PCDH15: variants seen among roughly 807,000 people sequenced by gnomAD.
PCDH15 encodes the protein protocadherin-15.
PCDH15 carries 129 observed loss-of-function variants against 178.5 expected under a neutral mutation model. The ratio of observed to expected loss-of-function variants is 0.72; its 90% confidence interval spans 0.63 to 0.84. The LOEUF (loss-of-function observed/expected upper bound fraction) is 0.84. PCDH15 is among the 40% of genes least tolerant of loss of function. The probability of loss-of-function intolerance (pLI) is 0.00; values close to 1 mark genes in which losing one functional copy is unlikely to be tolerated. For synonymous variants in PCDH15, 800 were observed against 732.0 expected (o/e 1.09, Z -1.50); for missense variants, 2,230 against 2,099.9 (o/e 1.06, Z -1.21).
At chr10:54,267,964 T>C (rs1304521954) in intron 8 of PCDH15, among the ~76,000 whole-genome samples, 3 of 151,852 alleles carry the variant, frequency 2.0e-5, no homozygotes, top group Non-Finnish European at 4.4e-5. Flanking sequence ...AGAGCCTGAA[T>C]AGCCAACACA....
chr10:53,852,434 A>G (rs993078858), intron 28 of PCDH15, among the ~76,000 whole-genome samples: 1 of 152,088 alleles, frequency 6.6e-6, no homozygotes, highest in African/African-American at 2.4e-5. Context: ...TTAAAAAGGT[A>G]TATGTTTCCT....
intron 2 of PCDH15, among the ~76,000 whole-genome samples, chr10:54,963,599 C>T (rs1188710955): frequency 6.6e-6 from 1 of 152,132 alleles, no homozygotes; most frequent in Non-Finnish European, 1.5e-5. Context: ...GAATATTAGG[C>T]AACACTGTAT....
intron 3 of PCDH15, 30 bp from the exon 4 acceptor site, chr10:54,378,972 A>G: frequency 1.9e-6 from 3 of 1,611,886 alleles, no homozygotes; most frequent in Non-Finnish European, 2.5e-6. Flanking sequence ...ACTTGAAAAC[A>G]TATTCTACTC....
At chr10:55,460,482 G>C (rs1244722958) in intron 2 of PCDH15, among the ~76,000 whole-genome samples, 1 of 151,826 alleles carries the variant, frequency 6.6e-6, no homozygotes, top group East Asian at 1.9e-4. Flanking sequence ...TCTTTTCTTT[G>C]TCTACATCTA....
In PCDH15 at chr10:53,991,952, C is replaced by T. The variant is rs1479618820; in HGVS notation, c.2868+3697G>A. On this transcript the variant is annotated intron_variant, in intron 21 of 37. Coordinates refer to ENST00000644397, the MANE Select transcript of PCDH15 (RefSeq NM_001384140.1). ...AGGCTGCCCAAGCCAGCAGCCGCAA[C>T]CCGCTCGGGTCCCCTTCCACCCTGT... 3.3e-5 allele frequency among the ~76,000 whole-genome samples: 5 copies of T among 152,216 alleles called. No individual in the cohort carries two copies. The South Asian group carries it at 1.0e-3, about 32-fold the overall frequency.
intron 2 of PCDH15, among the ~76,000 whole-genome samples, chr10:54,629,199 G>T (rs2093636573): frequency 6.6e-6 from 1 of 151,854 alleles, no homozygotes; most frequent in Non-Finnish European, 1.5e-5. Flanking sequence ...CATCATTTTT[G>T]TACTTGGCAA....
intron 8 of PCDH15, among the ~76,000 whole-genome samples, chr10:54,249,516 A>C (rs1238968405): frequency 1.3e-5 from 2 of 152,030 alleles, no homozygotes; most frequent in African/African-American, 4.8e-5. Flanking sequence ...GCTTTGTTTT[A>C]ATTTGGGCAT....
chr10:54,654,116 A>G (rs953352846), intron 2 of PCDH15, among the ~76,000 whole-genome samples: 3 of 152,196 alleles, frequency 2.0e-5, no homozygotes, highest in Non-Finnish European at 4.4e-5. Flanking sequence ...ATAACTTTTG[A>G]TCAACATCTC....
chr10:55,385,813 ATG>A, intron 2 of PCDH15, among the ~76,000 whole-genome samples: 1 of 149,462 alleles, frequency 6.7e-6, no homozygotes, highest in Non-Finnish European at 1.5e-5. Flanking sequence ...ATGCATATAT[ATG>A]CATATATATA....
intron 2 of PCDH15, among the ~76,000 whole-genome samples, chr10:55,008,883 T>TA (rs1839988497): frequency 1.1e-5 from 1 of 92,732 alleles, no homozygotes; most frequent in Non-Finnish European, 2.7e-5. Flanking sequence ...TTGATCTTGT[T>TA]TAAAAAACAA....
In PCDH15 at chr10:53,806,885, G is replaced by T; in HGVS notation, c.4917C>A (p.Asp1639Glu). 1 of 1,613,848 alleles carries T rather than the reference G, an allele frequency of 6.2e-7. No individual in the cohort carries two copies. The highest frequency in any genetic ancestry group is 8.5e-7 in the Non-Finnish European group (1 of 1,179,826). ...TCTCCTCATGTGTCACTGCCAACTT[G>T]TCTAGTTTCTTAAAGGGCCCTCCCA... The part of the protein sequence containing the change: ...VRLGGPFKKL[D>E]KLAVTHEENV... Residue 1639 changes from aspartate to glutamate, a missense_variant, in exon 38 of 38, where the codon GAC becomes GAA. Asp to Glu is a conservative substitution (Grantham distance 45, BLOSUM62 2). Transcript: ENST00000644397.
chr10:54,143,536 C>T (rs191508348), intron 14 of PCDH15, among the ~76,000 whole-genome samples: 9 of 152,110 alleles, frequency 5.9e-5, no homozygotes, highest in African/African-American at 1.9e-4. Flanking sequence ...AGGAAAATTC[C>T]AGGGCACTAA....
Position 55,055,471 on chromosome 10 carries a change from C to T in PCDH15, c.-80+111105G>A, listed in dbSNP as rs376200066. The stretch of plus-strand genomic sequence containing the variant: ...GTATATATCCATCTGCTTACCCCTA[C>T]TGCACATTTTGAAACAACATAATAC... On this transcript the variant is annotated intron_variant, in intron 2 of 5. Coordinates refer to the PCDH15 transcript ENST00000458638. Among the ~76,000 whole-genome samples, 14 of 152,272 alleles carry T rather than the reference C, an allele frequency of 9.2e-5. No homozygotes were observed. In the East Asian group the frequency reaches 2.1e-3, roughly 23 times the overall value.
At chr10:55,286,123 T>C (rs115723857) in intron 1 of PCDH15, among the ~76,000 whole-genome samples, 1 of 151,970 alleles carries the variant, frequency 6.6e-6, no homozygotes, top group Non-Finnish European at 1.5e-5. Flanking sequence ...CGCATGTTTC[T>C]TTCTTTTCCA....
At chr10:54,753,260 C>T (rs1247633859) in intron 1 of PCDH15, among the ~76,000 whole-genome samples, 1 of 151,922 alleles carries the variant, frequency 6.6e-6, no homozygotes, top group Non-Finnish European at 1.5e-5. Flanking sequence ...CTCTGCTCAC[C>T]GAAACCTCTG....
intron 13 of PCDH15, among the ~76,000 whole-genome samples, chr10:54,180,640 T>C (rs1027561307): frequency 3.3e-5 from 5 of 152,184 alleles, no homozygotes; most frequent in African/African-American, 9.7e-5. Flanking sequence ...AAAGGGTATA[T>C]GTAGATCAGA....
chr10:54,746,626 A>G (rs1190550746), intron 1 of PCDH15, among the ~76,000 whole-genome samples: 2 of 152,206 alleles, frequency 1.3e-5, no homozygotes, highest in East Asian at 1.9e-4. Context: ...TTAAAAATTA[A>G]TGAAAGGTTT....
intron 10 of PCDH15, among the ~76,000 whole-genome samples, chr10:54,201,539 A>G (rs1055436063): frequency 6.6e-6 from 1 of 152,126 alleles, no homozygotes; most frequent in Non-Finnish European, 1.5e-5. Flanking sequence ...AGATTTTTAA[A>G]TTCCATGAGC....
intron 1 of PCDH15, among the ~76,000 whole-genome samples, chr10:55,259,658 C>T (rs568126405): frequency 6.6e-6 from 1 of 152,080 alleles, no homozygotes; most frequent in East Asian, 1.9e-4. Context: ...GCAATCCCAG[C>T]ACTTTGGGAG....
Sources: allele counts gnomAD v4.1 joint callset (sites outside exome capture counted in the v4.1 genomes callset), GRCh38; gene constraint gnomAD v4.1.1; transcripts MANE v1.5; gene names NCBI Gene and HGNC (gene_info 2026-07-23, HGNC 2026-07-21).